GOLM2: variants seen among roughly 807,000 people sequenced by gnomAD.
GOLM2 encodes protein GOLM2.
In GOLM2, 26 loss-of-function variants were observed where a neutral mutation model predicts 55.9. The ratio of observed to expected loss-of-function variants is 0.47; its 90% confidence interval spans 0.34 to 0.65. The LOEUF is 0.65. Ranked by LOEUF, GOLM2 falls within the 30% of genes least tolerant of loss-of-function variation. The pLI is 0.01. For missense variants in GOLM2, 486 were observed against 531.8 expected (o/e 0.91, Z 0.85); for synonymous variants, 165 against 194.6 (o/e 0.85, Z 1.27).
intron 6 of GOLM2, among the ~76,000 whole-genome samples, chr15:44,364,143 T>C (rs1360458397): frequency 1.3e-5 from 2 of 152,144 alleles, no homozygotes; most frequent in East Asian, 1.9e-4. Flanking sequence ...TGTATATGTA[T>C]GTAACTAACC....
At chr15:44,378,712 C>A (rs1201050680) in intron 6 of GOLM2, among the ~76,000 whole-genome samples, 1 of 152,052 alleles carries the variant, frequency 6.6e-6, no homozygotes, top group Admixed American at 6.6e-5. Context: ...ATAAAAAGGT[C>A]TCACTGTTGA....
chr15:44,316,493 C>T (rs1276564683), intron 1 of GOLM2, among the ~76,000 whole-genome samples: 6 of 152,162 alleles, frequency 3.9e-5, no homozygotes, highest in Admixed American at 1.3e-4. Flanking sequence ...CGGTGGCTCA[C>T]GCCTGTAATC....
At chr15:44,303,898 G>C (rs1268319126) in intron 1 of GOLM2, among the ~76,000 whole-genome samples, 1 of 151,806 alleles carries the variant, frequency 6.6e-6, no homozygotes, top group Non-Finnish European at 1.5e-5. Context: ...ACCAGGCCTG[G>C]CTGATTTTTG....
intron 6 of GOLM2, among the ~76,000 whole-genome samples, chr15:44,365,996 T>C (rs1179753329): frequency 3.3e-5 from 5 of 152,136 alleles, no homozygotes; most frequent in African/African-American, 1.2e-4. Context: ...TGTTGTGAAC[T>C]TAAAACTGCT....
At chr15:44,320,552 G>T (rs2078941948) in intron 1 of GOLM2, among the ~76,000 whole-genome samples, 1 of 152,126 alleles carries the variant, frequency 6.6e-6, no homozygotes, top group Admixed American at 6.5e-5. Context: ...TGATCCTCTT[G>T]CTTTGGCCTT....
chr15:44,393,614 T>TTTTG (rs1017276494), intron 8 of GOLM2, among the ~76,000 whole-genome samples: 26 of 152,168 alleles, frequency 1.7e-4, no homozygotes, highest in Admixed American at 3.9e-4. Context: ...AATGCTCTTT[T>TTTTG]TTTGTTTGTT....
At chr15:44,359,583 G>A (rs551440357) in intron 6 of GOLM2, among the ~76,000 whole-genome samples, 159 of 152,076 alleles carry the variant, frequency 1.0e-3, no homozygotes, top group African/African-American at 3.1e-3. Context: ...GCGAGACTCC[G>A]TCTCAAAAAC....
chr15:44,387,408 A>G (rs1212631751), intron 8 of GOLM2: 1 of 152,118 alleles, frequency 6.6e-6, no homozygotes, highest in Non-Finnish European at 1.5e-5. Context: ...TTTTGATGTC[A>G]TTGTAAATCG....
At chr15:44,403,676 G>A (rs1247515305) in intron 9 of GOLM2, among the ~76,000 whole-genome samples, 1 of 151,934 alleles carries the variant, frequency 6.6e-6, no homozygotes, top group Admixed American at 6.6e-5. Context: ...TTTACCTAAG[G>A]CAAATGCTTC....
At chr15:44,400,880 C>T (rs1250701436) in intron 8 of GOLM2, among the ~76,000 whole-genome samples, 2 of 151,878 alleles carry the variant, frequency 1.3e-5, no homozygotes, top group South Asian at 2.1e-4. Context: ...TGGCCACACC[C>T]GCCCTTCTTT....
intron 1 of GOLM2, among the ~76,000 whole-genome samples, chr15:44,294,132 C>T (rs1270499760): frequency 6.6e-6 from 1 of 152,162 alleles, no homozygotes; most frequent in Non-Finnish European, 1.5e-5. Context: ...TTTCCACATA[C>T]CCTACACCCA....
chr15:44,352,366 T>A (rs185741288), intron 6 of GOLM2, among the ~76,000 whole-genome samples: 10 of 152,160 alleles, frequency 6.6e-5, no homozygotes, highest in Non-Finnish European at 1.5e-4. Flanking sequence ...TGAATATCCA[T>A]ACACAGAAGA....
Position 44,289,145 on chromosome 15 carries a change from A to T in GOLM2, c.116A>T (p.His39Leu). The T allele has an allele frequency of 6.2e-7, 1 of 1,614,114 alleles. No individual in the cohort carries two copies. Among genetic ancestry groups the T allele is most frequent in the Non-Finnish European group, 8.5e-7 (1 of 1,180,014 alleles). Residue 39 changes from histidine (H) to leucine (L), a missense_variant, in exon 1 of 10, where the codon CAC (histidine) becomes CTC (leucine). Transcript: ENST00000299957. This position sits in a 1 kb window ranked among gnomAD's most constrained non-coding sequence, Gnocchi z 4.8. ...AFNYWSISSR[H>L]VLLQEEVAEL... ...AACTACTGGAGCATCTCCTCCCGCC[A>T]CGTCCTGCTTCAGGAGGAGGTGGCC...
At chr15:44,324,277 A>G (rs1361393676) in intron 2 of GOLM2, among the ~76,000 whole-genome samples, 2 of 152,186 alleles carry the variant, frequency 1.3e-5, no homozygotes, top group Non-Finnish European at 2.9e-5. Flanking sequence ...AAAAATGACA[A>G]CCTGTGTTAC....
At chr15:44,308,880 A>G (rs2078855881) in intron 1 of GOLM2, among the ~76,000 whole-genome samples, 1 of 152,224 alleles carries the variant, frequency 6.6e-6, no homozygotes, top group East Asian at 1.9e-4. Context: ...ATATTTGGAA[A>G]TCATATATCT....
chr15:44,402,521 A>T (rs1440795841), intron 8 of GOLM2, among the ~76,000 whole-genome samples: 2 of 152,128 alleles, frequency 1.3e-5, no homozygotes, highest in African/African-American at 2.4e-5. Flanking sequence ...TATGTATCAT[A>T]TCTAGTAATA....
At chr15:44,303,125 TAAATA>T (rs1048552579) in intron 1 of GOLM2, among the ~76,000 whole-genome samples, 3 of 151,614 alleles carry the variant, frequency 2.0e-5, no homozygotes, top group African/African-American at 4.8e-5. Flanking sequence ...AATAAATAAA[TAAATA>T]AATAAATAAA....
chr15:44,300,625 T>G (rs1397065213), intron 1 of GOLM2, among the ~76,000 whole-genome samples: 2 of 152,234 alleles, frequency 1.3e-5, no homozygotes, highest in Admixed American at 1.3e-4. Flanking sequence ...TAGTGTGGCA[T>G]GTAACATCTG....
At chr15:44,409,609 A>T (rs2141220533) in intron 9 of GOLM2, 2 of 140,708 alleles carry the variant, frequency 1.4e-5, no homozygotes, top group South Asian at 4.6e-4. Context: ...AAAAAAAAAA[A>T]AAAAAAAAAA....
Sources: gnomAD v4.1 joint callset for allele counts (sites outside exome capture counted in the v4.1 genomes callset) on GRCh38, gnomAD v4.1.1 for gene constraint, Gnocchi (gnomAD v3.1) non-coding constraint, MANE v1.5 for transcripts, NCBI Gene and HGNC (gene_info 2026-07-23, HGNC 2026-07-21) for gene names.